The following INTS9 variants were observed in gnomAD, a reference collection of about 807,000 sequenced individuals.
INTS9 encodes protein related to CPSF subunits of 74 kDa.
INTS9 carries 55 observed loss-of-function variants against 79.7 expected under a neutral mutation model. That is an observed-to-expected ratio of 0.69 (90% CI 0.56 to 0.86). The LOEUF is 0.86. Ranked by LOEUF, INTS9 falls within the 40% of genes least tolerant of loss-of-function variation. The pLI is 0.00. For synonymous variants in INTS9, 319 were observed against 325.2 expected (o/e 0.98, Z 0.20); for missense variants, 721 against 831.5 (o/e 0.87, Z 1.64).
intron 2 of INTS9, among the ~76,000 whole-genome samples, chr8:28,857,016 C>T (rs1315265534): frequency 6.6e-6 from 1 of 152,136 alleles, no homozygotes; most frequent in Non-Finnish European, 1.5e-5. Flanking sequence ...ATAATGGCCT[C>T]CAGTTGCATC....
At position 28,889,391 on chromosome 8, in the gene INTS9, G is replaced by C. The variant is rs187125689; in HGVS notation, c.9+483C>G. The stretch of plus-strand genomic sequence containing the variant: ...CTCTGACCTCGTCCTGAATTCCAAG[G>C]GCAGTGAGGAGTCTATATAACAGGA... On this transcript the variant is annotated intron_variant, in intron 1 of 16. Transcript: ENST00000521022. Among the ~76,000 whole-genome samples the C allele has an allele frequency of 4.5e-3, 685 of 152,274 alleles. 2 individuals carry two copies. The highest frequency in any genetic ancestry group is 5.7e-3 in the Non-Finnish European group (390 of 68,028).
At chr8:28,807,285 T>C (rs1437251713) in intron 8 of INTS9, among the ~76,000 whole-genome samples, 1 of 152,178 alleles carries the variant, frequency 6.6e-6, no homozygotes, top group African/African-American at 2.4e-5. Context: ...CAGACAGTTT[T>C]ATGGAACATT....
chr8:28,804,360 GCAATCGCCT>G (rs1347223729), intron 8 of INTS9, among the ~76,000 whole-genome samples: 1 of 152,210 alleles, frequency 6.6e-6, no homozygotes, highest in Non-Finnish European at 1.5e-5. Context: ...AAAATGGCAG[GCAATCGCCT>G]CTACTGCGGG....
At chr8:28,859,027 T>C (rs930444245) in intron 2 of INTS9, among the ~76,000 whole-genome samples, 1 of 152,124 alleles carries the variant, frequency 6.6e-6, no homozygotes, top group Non-Finnish European at 1.5e-5. Context: ...AGTATGAAAA[T>C]AATGCACAGA....
chr8:28,848,202 T>C (rs118048140), intron 3 of INTS9, among the ~76,000 whole-genome samples: 2,100 of 152,378 alleles, frequency 0.014, 28 homozygotes, highest in Non-Finnish European at 0.021. Flanking sequence ...CAGAATGTGA[T>C]TGAGTTTCCT....
intron 6 of INTS9, among the ~76,000 whole-genome samples, chr8:28,820,699 C>G (rs915053081): frequency 6.6e-5 from 10 of 152,126 alleles, no homozygotes; most frequent in Non-Finnish European, 1.3e-4. Context: ...CATGCAGGAA[C>G]TCAGGGAATA....
chr8:28,793,031 A>G (rs1804005492), intron 10 of INTS9, among the ~76,000 whole-genome samples: 1 of 152,190 alleles, frequency 6.6e-6, no homozygotes, highest in Non-Finnish European at 1.5e-5. Context: ...AGTACTTTAC[A>G]AAAGCAAGGG....
At chr8:28,864,405 G>A (rs1482037997) in intron 1 of INTS9, among the ~76,000 whole-genome samples, 4 of 152,132 alleles carry the variant, frequency 2.6e-5, no homozygotes, top group Non-Finnish European at 4.4e-5. Context: ...CAGGAAGAAG[G>A]GAGTTGAACT....
At chr8:28,850,484 T>C (rs1341818954) in intron 2 of INTS9, among the ~76,000 whole-genome samples, 1 of 151,924 alleles carries the variant, frequency 6.6e-6, no homozygotes, top group Admixed American at 6.5e-5. Context: ...GGTCAAATAG[T>C]TTAGTGGAAA....
chr8:28,846,496 C>G (rs952345489), intron 4 of INTS9, among the ~76,000 whole-genome samples: 4 of 152,104 alleles, frequency 2.6e-5, no homozygotes, highest in African/African-American at 9.7e-5. Context: ...AAACTATGCC[C>G]TACTAGGAGT....
chr8:28,844,271 G>A (rs963487722), intron 4 of INTS9, among the ~76,000 whole-genome samples: 2 of 152,300 alleles, frequency 1.3e-5, no homozygotes, highest in East Asian at 1.9e-4. Flanking sequence ...TTAGCTGGGC[G>A]CGGTGGTTCA....
intron 6 of INTS9, among the ~76,000 whole-genome samples, chr8:28,821,306 T>A (rs2131100939): frequency 6.6e-6 from 1 of 152,304 alleles, no homozygotes; most frequent in South Asian, 2.1e-4. Context: ...AAGATACTTC[T>A]TACATGGCGG....
intron 6 of INTS9, among the ~76,000 whole-genome samples, chr8:28,825,604 GTGA>G (rs1457240286): frequency 6.6e-6 from 1 of 152,170 alleles, no homozygotes; most frequent in East Asian, 1.9e-4. Flanking sequence ...ACAACGTCCT[GTGA>G]AAATTCAGCA....
chr8:28,773,915 C>T (rs1802719479), intron 14 of INTS9, among the ~76,000 whole-genome samples: 2 of 152,164 alleles, frequency 1.3e-5, no homozygotes, highest in African/African-American at 2.4e-5. Context: ...CTCTGCCTCC[C>T]GGTTCAAGCA....
chr8:28,796,726 GA>G, intron 8 of INTS9, 71 bp from the exon 9 acceptor site: 2 of 925,614 alleles, frequency 2.2e-6, no homozygotes, highest in Non-Finnish European at 1.8e-6. Context: ...GAAAGAATAC[GA>G]GAACACAGAC....
chr8:28,769,711 C>T (rs1802416627), intron 16 of INTS9, 178 bp downstream of exon 16: 1 of 744,616 alleles, frequency 1.3e-6, no homozygotes, highest in African/African-American at 1.8e-5. Flanking sequence ...GGGCACTCCT[C>T]ACTCTGCTTT....
At chr8:28,877,892 T>C (rs1043815353) in intron 1 of INTS9, among the ~76,000 whole-genome samples, 1 of 152,214 alleles carries the variant, frequency 6.6e-6, no homozygotes, top group African/African-American at 2.4e-5. Flanking sequence ...CAATTCTAAA[T>C]GCTTCCTACA....
chr8:28,792,215 A>G (rs532722201), intron 10 of INTS9, among the ~76,000 whole-genome samples: 1 of 152,336 alleles, frequency 6.6e-6, no homozygotes, highest in African/African-American at 2.4e-5. Context: ...ACATTACTCA[A>G]TAAATAGTAC....
At chr8:28,888,382 T>C (rs1376860929) in intron 1 of INTS9, among the ~76,000 whole-genome samples, 1 of 152,080 alleles carries the variant, frequency 6.6e-6, no homozygotes, top group African/African-American at 2.4e-5. Flanking sequence ...TTAAACCCCA[T>C]TTCTACAAAA....
Sources: allele counts gnomAD v4.1 joint callset (sites outside exome capture counted in the v4.1 genomes callset), GRCh38; gene constraint gnomAD v4.1.1; transcripts MANE v1.5; gene names NCBI Gene and HGNC (gene_info 2026-07-23, HGNC 2026-07-21).